The following PLCE1 variants were observed in gnomAD, a reference collection of about 807,000 sequenced individuals.
PLCE1 encodes the protein 1-phosphatidylinositol 4,5-bisphosphate phosphodiesterase epsilon-1.
A neutral mutation model predicts 242.8 loss-of-function variants in PLCE1; 119 were observed. That is an observed-to-expected ratio of 0.49 (90% confidence interval 0.42 to 0.57). PLCE1 has a LOEUF of 0.57. PLCE1 is among the 20% of genes least tolerant of loss of function. The probability of loss-of-function intolerance (pLI) is 0.00; values close to 1 mark genes in which losing one functional copy is unlikely to be tolerated. For synonymous variants in PLCE1, 945 were observed against 1,017.4 expected (o/e 0.93, Z 1.35); for missense variants, 2,441 against 2,788.8 (o/e 0.88, Z 2.81).
intron 6 of PLCE1, among the ~76,000 whole-genome samples, chr10:94,235,062 TCACACACACA>T (rs3222767): frequency 8.9e-5 from 12 of 135,542 alleles, no homozygotes; most frequent in South Asian, 7.7e-4. Context: ...TACTGACCTT[TCACACACACA>T]CACACACACA....
intron 2 of PLCE1, among the ~76,000 whole-genome samples, chr10:94,061,338 C>G (rs1268903252): frequency 6.6e-6 from 1 of 152,148 alleles, no homozygotes; most frequent in Non-Finnish European, 1.5e-5. Flanking sequence ...CCCCAGGAGT[C>G]CATGGAAATG....
rs1456149918 is a variant in PLCE1, at chr10:93,994,072, G to C, written c.-551G>C. 1.3e-5 allele frequency among the ~76,000 whole-genome samples: 2 copies of C among 151,616 alleles called. No individual in the cohort carries two copies. Among genetic ancestry groups the C allele is most frequent in the African/African-American group, 4.8e-5 (2 of 41,366 alleles). The stretch of plus-strand genomic sequence containing the variant: ...GCGGCGCGCCCGGGCTCTACCTCCC[G>C]GGCTCTGCCTCCCGGGCTCTGCCTC... On this transcript the variant is annotated 5_prime_UTR_variant, in exon 1 of 33. Coordinates refer to ENST00000371380, the MANE Select transcript of PLCE1 (RefSeq NM_016341.4).
chr10:94,299,732 G>C (rs1409956065), intron 24 of PLCE1, among the ~76,000 whole-genome samples: 2 of 152,188 alleles, frequency 1.3e-5, no homozygotes, highest in Non-Finnish European at 2.9e-5. Flanking sequence ...ACCTGGCACT[G>C]GTGCCAACAA....
At chr10:94,072,901 G>A (rs1053508585) in intron 2 of PLCE1, among the ~76,000 whole-genome samples, 12 of 151,996 alleles carry the variant, frequency 7.9e-5, no homozygotes, top group Admixed American at 4.6e-4. Flanking sequence ...TGTGGAGATC[G>A]CTGAAGAGCC....
chr10:94,270,410 T>C, intron 17 of PLCE1, 76 bp from the exon 18 acceptor site: 4 of 922,892 alleles, frequency 4.3e-6, no homozygotes, highest in Non-Finnish European at 7.2e-6. Context: ...AGATGCTTTC[T>C]GTGGCTATAA....
intron 4 of PLCE1, among the ~76,000 whole-genome samples, chr10:94,179,682 T>A (rs2048246626): frequency 6.6e-6 from 1 of 151,454 alleles, no homozygotes; most frequent in Non-Finnish European, 1.5e-5. Context: ...ATTTTTGTAT[T>A]TTTAGTAGAG....
intron 2 of PLCE1, among the ~76,000 whole-genome samples, chr10:94,078,338 T>TTG (rs2044563380): frequency 6.6e-6 from 1 of 152,190 alleles, no homozygotes; most frequent in Non-Finnish European, 1.5e-5. Context: ...TTCAGTGATT[T>TTG]TGTTTTCAGC....
intron 7 of PLCE1, among the ~76,000 whole-genome samples, chr10:94,244,208 A>T (rs573298403): frequency 6.6e-6 from 1 of 152,282 alleles, no homozygotes; most frequent in African/African-American, 2.4e-5. Context: ...CATAGTCTAA[A>T]CTGAGGAGTA....
chr10:93,995,445 C>T (rs1478113750), intron 1 of PLCE1, among the ~76,000 whole-genome samples: 1 of 152,144 alleles, frequency 6.6e-6, no homozygotes, highest in Non-Finnish European at 1.5e-5. Flanking sequence ...CTCCAGGGCC[C>T]TTTCTGCTCT....
chr10:94,065,809 G>T (rs2044180587), intron 2 of PLCE1, among the ~76,000 whole-genome samples: 1 of 152,148 alleles, frequency 6.6e-6, no homozygotes, highest in Non-Finnish European at 1.5e-5. Flanking sequence ...TCCAGAAATG[G>T]TATCTCAGCC....
At chr10:94,178,361 A>G (rs2048188918) in intron 4 of PLCE1, among the ~76,000 whole-genome samples, 1 of 151,880 alleles carries the variant, frequency 6.6e-6, no homozygotes, top group African/African-American at 2.4e-5. Context: ...TTCTATTGAG[A>G]CCCCAGCAGC....
intron 5 of PLCE1, among the ~76,000 whole-genome samples, chr10:94,231,268 A>G (rs2050134392): frequency 6.6e-6 from 1 of 152,206 alleles, no homozygotes. Flanking sequence ...TCACACAATA[A>G]GAAACCAGTG....
intron 1 of PLCE1, among the ~76,000 whole-genome samples, chr10:94,018,587 G>A (rs1364150175): frequency 2.0e-5 from 3 of 152,176 alleles, no homozygotes; most frequent in African/African-American, 7.2e-5. Context: ...TCTACCATCT[G>A]TATCTGCACT....
intron 2 of PLCE1, among the ~76,000 whole-genome samples, chr10:94,126,032 G>A (rs560761411): frequency 6.6e-6 from 1 of 152,078 alleles, no homozygotes; most frequent in Non-Finnish European, 1.5e-5. Flanking sequence ...TTTTGTTTTG[G>A]GCCTAAACTC....
At chr10:94,233,109 G>A (rs564823457) in intron 5 of PLCE1, among the ~76,000 whole-genome samples, 3 of 152,370 alleles carry the variant, frequency 2.0e-5, no homozygotes, top group Admixed American at 6.5e-5. Flanking sequence ...TGTGGGCAAA[G>A]CAGTTCAGGT....
At chr10:94,198,084 A>C (rs2136711790) in intron 4 of PLCE1, among the ~76,000 whole-genome samples, 1 of 152,110 alleles carries the variant, frequency 6.6e-6, no homozygotes, top group East Asian at 1.9e-4. Flanking sequence ...AAAAAAAAAA[A>C]AGATATAATC....
At chr10:94,281,753 T>C (rs1201731892) in intron 20 of PLCE1, among the ~76,000 whole-genome samples, 3 of 152,136 alleles carry the variant, frequency 2.0e-5, no homozygotes, top group Admixed American at 1.3e-4. Flanking sequence ...TACATGAGTA[T>C]TTCCCCCTTC....
chr10:94,203,739 G>A (rs2049053066), intron 4 of PLCE1, among the ~76,000 whole-genome samples: 1 of 152,182 alleles, frequency 6.6e-6, no homozygotes, highest in African/African-American at 2.4e-5. Flanking sequence ...TGCCAACCTT[G>A]TGCATTGATG....
At chr10:94,296,487 G>A (rs2133499521) in intron 23 of PLCE1, among the ~76,000 whole-genome samples, 1 of 152,190 alleles carries the variant, frequency 6.6e-6, no homozygotes, top group South Asian at 2.1e-4. Context: ...TTATGTTATG[G>A]AGATGACTTC....
Sources: gnomAD v4.1 joint callset for allele counts (sites outside exome capture counted in the v4.1 genomes callset) on GRCh38, gnomAD v4.1.1 for gene constraint, MANE v1.5 for transcripts, NCBI Gene and HGNC (gene_info 2026-07-23, HGNC 2026-07-21) for gene names.